CPNE4: variants seen among roughly 807,000 people sequenced by gnomAD.
The protein encoded by CPNE4 is copine 4.
CPNE4 carries 25 observed loss-of-function variants against 67.9 expected under a neutral mutation model. The observed-to-expected ratio is 0.37, with a 90% CI of 0.27 to 0.51. The LOEUF (loss-of-function observed/expected upper bound fraction) is 0.51, where lower values mean the gene tolerates loss of function less well. Ranked by LOEUF, CPNE4 falls within the 20% of genes least tolerant of loss-of-function variation. The probability of loss-of-function intolerance (pLI) is 0.93; values close to 1 mark genes in which losing one functional copy is unlikely to be tolerated. For missense variants in CPNE4, 464 were observed against 690.8 expected, an observed-to-expected ratio of 0.67 and a Z score of 3.68; for synonymous variants, 242 against 244.9, an observed-to-expected ratio of 0.99 and a Z score of 0.11.
chr3:131,704,500 T>C (rs187692825), intron 3 of CPNE4, among the ~76,000 whole-genome samples: 14 of 152,350 alleles, frequency 9.2e-5, no homozygotes, highest in African/African-American at 3.1e-4. Context: ...TGTTAACTAA[T>C]GCACCCTTTA....
chr3:131,954,389 G>A (rs2071873246), intron 1 of CPNE4, among the ~76,000 whole-genome samples: 1 of 152,070 alleles, frequency 6.6e-6, no homozygotes, highest in Non-Finnish European at 1.5e-5. Flanking sequence ...AACACCCAAA[G>A]TAAGGGTATT....
intron 7 of CPNE4, among the ~76,000 whole-genome samples, chr3:131,654,479 A>T (rs1333467838): frequency 6.6e-6 from 1 of 151,996 alleles, no homozygotes; most frequent in Non-Finnish European, 1.5e-5. Context: ...GCTTCCACTT[A>T]CAAGTGAGAA....
intron 2 of CPNE4, among the ~76,000 whole-genome samples, chr3:131,847,290 T>G (rs2086038903): frequency 6.6e-6 from 1 of 151,782 alleles, no homozygotes; most frequent in African/African-American, 2.4e-5. Flanking sequence ...ACATGTTTTA[T>G]ACATATGCCC....
intron 2 of CPNE4, among the ~76,000 whole-genome samples, chr3:131,888,478 A>G (rs2087983667): frequency 1.3e-5 from 2 of 152,208 alleles, no homozygotes; most frequent in East Asian, 1.9e-4. Context: ...AAAACAGACT[A>G]TCCAAGATAG....
At chr3:131,942,461 TGTGAGAGAGAGAGAGAGAGAGAGAGA>T (rs1359468640) in intron 1 of CPNE4, among the ~76,000 whole-genome samples, 30 of 57,658 alleles carry the variant, frequency 5.2e-4, no homozygotes, top group African/African-American at 1.4e-3. Flanking sequence ...TGTGTGTGTG[TGTGAGAGAGAGAGAGAGAGAGAGAGA>T]GAGAGAGAGA....
chr3:131,711,880 C>T (rs2081566943), intron 3 of CPNE4, among the ~76,000 whole-genome samples: 1 of 152,126 alleles, frequency 6.6e-6, no homozygotes. Context: ...TCTTCGTGCC[C>T]CAAGCCCTCC....
chr3:131,581,546 T>C (rs1937836935), intron 9 of CPNE4, 33 bp downstream of exon 9: 10 of 1,447,018 alleles, frequency 6.9e-6, no homozygotes, highest in Non-Finnish European at 9.7e-6. Flanking sequence ...AGCCCTAGCT[T>C]CATACTCCTG....
intron 1 of CPNE4, among the ~76,000 whole-genome samples, chr3:131,945,138 T>C (rs898947692): frequency 6.6e-6 from 1 of 152,140 alleles, no homozygotes; most frequent in Non-Finnish European, 1.5e-5. Flanking sequence ...CTCATATGTG[T>C]TAACAGAAAA....
At chr3:131,638,148 C>T (rs1007677329) in intron 7 of CPNE4, among the ~76,000 whole-genome samples, 3 of 152,150 alleles carry the variant, frequency 2.0e-5, no homozygotes, top group African/African-American at 4.8e-5. Context: ...ACAAGGTATT[C>T]AGGCCACAAA....
At chr3:131,575,452 T>C (rs967301351) in intron 9 of CPNE4, among the ~76,000 whole-genome samples, 11 of 152,176 alleles carry the variant, frequency 7.2e-5, no homozygotes, top group Non-Finnish European at 1.6e-4. Context: ...TTGAAATCAA[T>C]GATGTCTCAC....
intron 1 of CPNE4, among the ~76,000 whole-genome samples, chr3:131,952,013 C>A (rs1411554828): frequency 6.6e-6 from 1 of 151,892 alleles, no homozygotes; most frequent in African/African-American, 2.4e-5. Flanking sequence ...AGCGTCTCTG[C>A]CTGGCCGCCC....
intron 2 of CPNE4, among the ~76,000 whole-genome samples, chr3:131,841,017 A>G (rs957636887): frequency 3.9e-5 from 6 of 152,138 alleles, no homozygotes; most frequent in African/African-American, 7.2e-5. Flanking sequence ...AGGGAGAGAA[A>G]TGTTGTTTTC....
intron 2 of CPNE4, among the ~76,000 whole-genome samples, chr3:131,764,911 A>T (rs995686569): frequency 3.3e-5 from 5 of 152,114 alleles, no homozygotes; most frequent in Non-Finnish European, 4.4e-5. Flanking sequence ...CCTGTCAATG[A>T]CCTGGGTGTC....
Position 131,966,214 on chromosome 3 carries a change from G to C in CPNE4, c.-1-60770C>G, listed in dbSNP as rs146854045. ...AATGTACCAGAATCTCTGGGGCACA[G>C]CTAAAGCAGTGTTTAGAGGAAAATT... On this transcript the variant is annotated intron_variant, in intron 1 of 15. Coordinates refer to ENST00000429747, the MANE Select transcript of CPNE4 (RefSeq NM_130808.3). Among the ~76,000 whole-genome samples the C allele has an allele frequency of 3.2e-3, 489 of 152,240 alleles. 3 individuals are homozygous for C. Among genetic ancestry groups the C allele is most frequent in the African/African-American group, 0.011 (468 of 41,568 alleles).
At chr3:131,811,901 T>C (rs1396434762) in intron 2 of CPNE4, among the ~76,000 whole-genome samples, 1 of 152,102 alleles carries the variant, frequency 6.6e-6, no homozygotes, top group Non-Finnish European at 1.5e-5. Context: ...GAGTTAAGCA[T>C]CTTGCTCAAG....
At chr3:131,620,057 G>A (rs116645415) in intron 7 of CPNE4, among the ~76,000 whole-genome samples, 173 of 152,262 alleles carry the variant, frequency 1.1e-3, no homozygotes, top group African/African-American at 4.0e-3. Flanking sequence ...AGTAGTGAGT[G>A]GCCATTCTGC....
chr3:131,595,427 C>T (rs1303885628), intron 7 of CPNE4, among the ~76,000 whole-genome samples: 1 of 152,176 alleles, frequency 6.6e-6, no homozygotes, highest in Non-Finnish European at 1.5e-5. Flanking sequence ...ACAACAGGGA[C>T]TGTGTTAGTG....
intron 1 of CPNE4, among the ~76,000 whole-genome samples, chr3:131,940,828 A>T (rs1225029): frequency 0.76 from 115,833 of 151,992 alleles, 44,525 homozygotes; most frequent in African/African-American, 0.85. Context: ...TCTTTCTTCT[A>T]TATATTCAAG....
chr3:132,016,994 T>G (rs1218861005), intron 1 of CPNE4, among the ~76,000 whole-genome samples: 1 of 152,146 alleles, frequency 6.6e-6, no homozygotes, highest in Non-Finnish European at 1.5e-5. Flanking sequence ...TGGTAGGTGT[T>G]CAATATATGC....
Sources: gnomAD v4.1 joint callset for allele counts (sites outside exome capture counted in the v4.1 genomes callset) on GRCh38, gnomAD v4.1.1 for gene constraint, MANE v1.5 for transcripts, NCBI Gene and HGNC (gene_info 2026-07-23, HGNC 2026-07-21) for gene names.